Variants in FICD observed in about 807,000 individuals in gnomAD.
FICD encodes protein adenylyltransferase FICD.
A neutral mutation model predicts 28.0 loss-of-function variants in FICD; 13 were observed. That is an observed-to-expected ratio of 0.46 (90% CI 0.30 to 0.74). FICD has a LOEUF of 0.74. Ranked by LOEUF, FICD falls within the 30% of genes least tolerant of loss-of-function variation. The probability of loss-of-function intolerance (pLI) is 0.07; values close to 1 mark genes in which losing one functional copy is unlikely to be tolerated. For synonymous variants in FICD, 268 were observed against 266.4 expected (o/e 1.01, Z -0.06); for missense variants, 576 against 624.5 (o/e 0.92, Z 0.83).
rs756743501 is a variant in FICD, at chr12:108,518,407, G to C, written c.309G>C (p.Lys103Asn). 5.0e-6 allele frequency: 8 copies of C among 1,613,724 alleles called. No individual in the cohort carries two copies. In the African/African-American group the frequency reaches 1.1e-4, roughly 22 times the overall value. ...VAKTKASPAG[K>N]LEARAALNQA... ...TCTTTGGCTCTCTTCCAGCGGGTAA[G>C]TTGGAAGCCAGAGCTGCCCTGAACC... is the stretch of plus-strand genomic sequence containing the variant. Residue 103 changes from lysine to asparagine, a missense_variant, in exon 3 of 3, where the codon AAG (lysine) becomes AAC (asparagine). By Grantham distance (94) the Lys-to-Asn change is moderately conservative. Coordinates refer to ENST00000552695, the MANE Select transcript of FICD (RefSeq NM_007076.3). The surrounding 1 kb of genome is among the most constrained non-coding windows in gnomAD (Gnocchi z 4.4).
At position 108,518,288 on chromosome 12, in the gene FICD, C is replaced by T; in HGVS notation, c.302-112C>T. The T allele has an allele frequency of 1.1e-6, 1 of 884,158 alleles. No individual in the cohort carries two copies. The highest frequency in any genetic ancestry group is 1.4e-5 in the South Asian group (1 of 72,224). 54.8% of individuals were successfully genotyped at this position (884,158 alleles called of 1,614,324 possible). ...GCAACAAGCTCCTCAAGGCCAGGGA[C>T]ACAGGCTGGTCATCATGGTTTCCTG... On this transcript the variant is annotated intron_variant, in intron 2 of 2. Transcript: ENST00000552695. This position sits in a 1 kb window ranked among gnomAD's most constrained non-coding sequence, Gnocchi z 4.4.
chr12:108,515,851 G>T (rs938722257), intron 1 of FICD, among the ~76,000 whole-genome samples: 1 of 152,180 alleles, frequency 6.6e-6, no homozygotes, highest in African/African-American at 2.4e-5. Context: ...GAGACCTGGG[G>T]ACCGGGTTCA....
In FICD at chr12:108,518,630, G is replaced by A. The variant is rs776804151; in HGVS notation, c.532G>A (p.Val178Ile). 1.4e-5 allele frequency: 23 copies of A among 1,614,192 alleles called. No individual in the cohort carries two copies. The highest frequency in any genetic ancestry group is 1.9e-5 in the Non-Finnish European group (22 of 1,180,032). The stretch of plus-strand genomic sequence containing the variant: ...CTCACCCTACCATGAGAAAGCACTG[G>A]TCAACCGCGATCGGACACTGCCTCT... ...TISPYHEKAL[V>I]NRDRTLPLVE... Residue 178 changes from valine to isoleucine, a missense_variant, in exon 3 of 3, where the codon GTC becomes ATC. By Grantham distance (29) the Val-to-Ile change is conservative. Coordinates refer to ENST00000552695, the MANE Select transcript of FICD (RefSeq NM_007076.3). This position sits in a 1 kb window ranked among gnomAD's most constrained non-coding sequence, Gnocchi z 4.4.
chr12:108,517,331 T>A (rs1871941247), intron 2 of FICD, 58 bp downstream of exon 2: 1 of 1,380,786 alleles, frequency 7.2e-7, no homozygotes, highest in Non-Finnish European at 9.6e-7. Flanking sequence ...AGACATAGAA[T>A]GTGTCATGTC....
chr12:108,516,894 G>C (rs1026338920), intron 1 of FICD, 21 bp from the exon 2 acceptor site: 1 of 1,254,366 alleles, frequency 8.0e-7, no homozygotes, highest in African/African-American at 1.5e-5. Context: ...TGTTTCTCCT[G>C]CGACTCTTGG....
At position 108,519,215 on chromosome 12, in the gene FICD, T is replaced by C; in HGVS notation, c.1117T>C (p.Ser373Pro). ...HPFIDGNGRTSRLLMNLILMQ... is the reference protein window; with the variant it reads ...HPFIDGNGRTPRLLMNLILMQ... ...TTTCATTGATGGCAACGGGAGGACC[T>C]CCCGTCTGCTCATGAACCTCATCCT... Residue 373 changes from serine to proline, a missense_variant, in exon 3 of 3, where the codon TCC (serine) becomes CCC (proline). Ser to Pro is a moderately conservative substitution (Grantham distance 74). Coordinates refer to ENST00000552695, the MANE Select transcript of FICD (RefSeq NM_007076.3). This position sits in a 1 kb window ranked among gnomAD's most constrained non-coding sequence, Gnocchi z 4.5. The C allele has an allele frequency of 1.9e-6, 3 of 1,614,180 alleles. No homozygotes were observed. The South Asian group carries it at 3.3e-5, about 18-fold the overall frequency.
At position 108,517,212 on chromosome 12, in the gene FICD, G is replaced by A. The variant is rs779570764; in HGVS notation, c.240G>A (p.Thr80=). ...CCACCAAGTGCACCAGCCCGTCCAC[G>A]GAGCTCAGCATCACCTCCAGGGGCG... ...HAATKCTSPS[T]ELSITSRGAT... is the part of the protein sequence containing the mutation. The change falls in exon 2 of 3, where the codon ACG becomes ACA. Residue 80 remains threonine, a synonymous_variant. Transcript: ENST00000552695. 27 of 1,579,130 alleles carry A rather than the reference G, an allele frequency of 1.7e-5. No individual in the cohort carries two copies. The Admixed American group carries it at 1.8e-4, about 10-fold the overall frequency.
At chr12:108,517,462 A>G (rs1006510735) in intron 2 of FICD, 189 bp downstream of exon 2, 10 of 466,058 alleles carry the variant, frequency 2.1e-5, no homozygotes, top group Non-Finnish European at 3.2e-5. Context: ...GGGCTGTAGG[A>G]GCATACCAGG....
rs1872099048 is a variant in FICD, at chr12:108,520,999, G to A, written c.*1524G>A. ...TATGAAATGGCTCCAAATGATAATT[G>A]TTCAAACCTTTATAAAATGTGTTTT... On this transcript the variant is annotated 3_prime_UTR_variant, in exon 3 of 3. Transcript: ENST00000552695. The A allele has an allele frequency of 6.6e-6, 1 of 152,184 alleles. No homozygotes were observed. The highest frequency in any genetic ancestry group is 2.1e-4 in the South Asian group (1 of 4,832). The allele number at this position is 152,184 out of a possible 1,614,324, so 9.4% of individuals were successfully genotyped here.
chr12:108,518,752 C>A lies in FICD; in HGVS notation c.654C>A (p.Val218=). 1 of 1,614,172 alleles carries A rather than the reference C, an allele frequency of 6.2e-7. No homozygotes were observed. Among genetic ancestry groups the A allele is most frequent in the South Asian group, 1.1e-5 (1 of 91,070 alleles). ...AGGGGAACTCAGCTCTGCGCAGGGT[C>A]ATGGAGGAGACCTACTACCATCACA... ...IPKGNSALRR[V]MEETYYHHIY... Residue 218 remains valine, a synonymous_variant, in exon 3 of 3, where the codon GTC becomes GTA. Transcript: ENST00000552695. The surrounding 1 kb of genome is among the most constrained non-coding windows in gnomAD (Gnocchi z 4.4).
intron 2 of FICD, 80 bp downstream of exon 2, chr12:108,517,353 G>A: frequency 8.2e-7 from 1 of 1,213,670 alleles, no homozygotes; most frequent in Non-Finnish European, 1.1e-6. Flanking sequence ...TGTATGTGGG[G>A]CATCGGGGTA....
intron 2 of FICD, among the ~76,000 whole-genome samples, chr12:108,517,733 C>A (rs1296393419): frequency 1.3e-5 from 2 of 152,104 alleles, no homozygotes; most frequent in South Asian, 2.1e-4. Context: ...TCCACCAGTT[C>A]TCTGTGGTGG....
Position 108,517,176 on chromosome 12 carries a change from G to A in FICD, c.204G>A (p.Ala68=), listed in dbSNP as rs776045064. 27 of 1,597,496 alleles carry A rather than the reference G, an allele frequency of 1.7e-5. No individual in the cohort carries two copies. Among genetic ancestry groups the A allele is most frequent in the South Asian group, 1.6e-4 (14 of 89,720 alleles). ...TGCTCAGGAGCAAACCGGACAGGGC[G>A]CAGCATGCCGCCACCAAGTGCACCA... ...LYLLRSKPDR[A]QHAATKCTSP... The change falls in exon 2 of 3, where the codon GCG becomes GCA. Residue 68 remains alanine (A), a synonymous_variant. Transcript: ENST00000552695.
Position 108,516,977 on chromosome 12 carries a change from T to C in FICD, c.5T>C (p.Met2Thr). The change falls in exon 2 of 3, where the codon ATG becomes ACG. Residue 2 changes from methionine (M) to threonine (T), a missense_variant. By Grantham distance (81) the Met-to-Thr change is moderately conservative. Transcript: ENST00000552695. M[M>T]LIPMASVMAV... The stretch of plus-strand genomic sequence containing the variant: ...AGGGCCCTCTCCTGAGTCCAGATGA[T>C]GCTCATACCAATGGCTTCAGTGATG... The C allele has an allele frequency of 6.7e-7, 1 of 1,497,266 alleles. No homozygotes were observed. The allele number at this position is 1,497,266 out of a possible 1,614,324, so 92.7% of individuals were successfully genotyped here. A position where few individuals can be genotyped will look rare whatever the true frequency, so the allele number is the denominator to read the frequency against.
In FICD at chr12:108,520,719, T is replaced by C. The variant is rs948324158; in HGVS notation, c.*1244T>C. 1 of 152,238 alleles carries C rather than the reference T, an allele frequency of 6.6e-6. No homozygotes were observed. The highest frequency in any genetic ancestry group is 1.5e-5 in the Non-Finnish European group (1 of 68,040). 9.4% of individuals were successfully genotyped at this position (152,238 alleles called of 1,614,324 possible). ...GTACAGGTGCCAATATGACTGCTGC[T>C]ATTTAGAGTCAGAGAGGTGGAAGTC... On this transcript the variant is annotated 3_prime_UTR_variant, in exon 3 of 3. Coordinates refer to ENST00000552695, the MANE Select transcript of FICD (RefSeq NM_007076.3).
At position 108,518,634 on chromosome 12, in the gene FICD, A is replaced by C. The variant is rs558604994; in HGVS notation, c.536A>C (p.Asn179Thr). 55 of 1,614,138 alleles carry C rather than the reference A, an allele frequency of 3.4e-5. No individual in the cohort carries two copies. In the South Asian group the frequency reaches 5.6e-4, roughly 16 times the overall value. ...CCCTACCATGAGAAAGCACTGGTCA[A>C]CCGCGATCGGACACTGCCTCTTGTG... is the stretch of plus-strand genomic sequence containing the variant. ...ISPYHEKALV[N>T]RDRTLPLVEE... The change falls in exon 3 of 3, where the codon AAC becomes ACC. Residue 179 changes from asparagine (N) to threonine (T), a missense_variant. By Grantham distance (65) the Asn-to-Thr change is moderately conservative. Transcript: ENST00000552695. This position sits in a 1 kb window ranked among gnomAD's most constrained non-coding sequence, Gnocchi z 4.4.
chr12:108,519,526 A>G lies in FICD; in HGVS notation c.*51A>G. 2.5e-6 allele frequency: 3 copies of G among 1,184,700 alleles called. No homozygotes were observed. The highest frequency in any genetic ancestry group is 3.5e-6 in the Non-Finnish European group (3 of 851,526). The allele number at this position is 1,184,700 out of a possible 1,614,324, so 73.4% of individuals were successfully genotyped here. On this transcript the variant is annotated 3_prime_UTR_variant, in exon 3 of 3. Transcript: ENST00000552695. This position sits in a 1 kb window ranked among gnomAD's most constrained non-coding sequence, Gnocchi z 4.5. ...CTGTCCTGAGGTAGGAAAAAAAAAA[A>G]GAAACAGCATTTCTAGAAACCTAGT...
chr12:108,518,773 T>A lies in FICD; in HGVS notation c.675T>A (p.His225Gln), dbSNP rs1290967465. The A allele has an allele frequency of 6.2e-7, 1 of 1,614,060 alleles. No individual in the cohort carries two copies. Among genetic ancestry groups the A allele is most frequent in the East Asian group, 2.2e-5 (1 of 44,864 alleles). The change falls in exon 3 of 3, where the codon CAT becomes CAA. Residue 225 changes from histidine to glutamine, a missense_variant. His to Gln is a conservative substitution (Grantham distance 24). Coordinates refer to ENST00000552695, the MANE Select transcript of FICD (RefSeq NM_007076.3). This position sits in a 1 kb window ranked among gnomAD's most constrained non-coding sequence, Gnocchi z 4.4. Reference protein sequence around the residue: ...LRRVMEETYYHHIYHTVAIEG... With the variant: ...LRRVMEETYYQHIYHTVAIEG... ...GGGTCATGGAGGAGACCTACTACCA[T>A]CACATCTACCACACAGTGGCCATCG...
At position 108,518,156 on chromosome 12, in the gene FICD, A is replaced by G. The variant is rs756908293; in HGVS notation, c.302-244A>G. On this transcript the variant is annotated intron_variant, in intron 2 of 2. Coordinates refer to ENST00000552695, the MANE Select transcript of FICD (RefSeq NM_007076.3). The surrounding 1 kb of genome is among the most constrained non-coding windows in gnomAD (Gnocchi z 4.4). The stretch of plus-strand genomic sequence containing the variant: ...CTAGGAAGCCAAGGAGGTGCCTCCC[A>G]GAATACAAGAGAGTGGCTCTGGGGA... The G allele has an allele frequency of 6.3e-4, 443 of 702,554 alleles. 2 individuals carry two copies. Among genetic ancestry groups the G allele is most frequent in the East Asian group, 2.2e-3 (83 of 37,296 alleles). 43.5% of individuals were successfully genotyped at this position (702,554 alleles called of 1,614,324 possible). A position where few individuals can be genotyped will look rare whatever the true frequency, so the allele number is the denominator to read the frequency against.
Sources: allele counts gnomAD v4.1 joint callset (sites outside exome capture counted in the v4.1 genomes callset), GRCh38; gene constraint gnomAD v4.1.1; non-coding constraint Gnocchi (gnomAD v3.1); transcripts MANE v1.5; gene names NCBI Gene and HGNC (gene_info 2026-07-23, HGNC 2026-07-21).